The following SIKE1 variants were observed in gnomAD, a reference collection of about 807,000 sequenced individuals.
SIKE1 encodes suppressor of IKBKE 1, also known as suppressor of IKK epsilon.
In SIKE1, 13 loss-of-function variants were observed where a neutral mutation model predicts 25.8. The ratio of observed to expected loss-of-function variants is 0.50; its 90% CI spans 0.33 to 0.80. SIKE1 has a LOEUF of 0.80. Ranked by LOEUF, SIKE1 falls within the 30% of genes least tolerant of loss-of-function variation. The pLI is 0.02. For missense variants in SIKE1, 222 were observed against 252.4 expected (o/e 0.88, Z 0.82); for synonymous variants, 86 against 95.5 (o/e 0.90, Z 0.58).
rs1379065414 is a variant in SIKE1, at chr1:114,773,870, ATAGATT to A, written c.*395_*400del. 1 of 154,426 alleles carries A rather than the reference ATAGATT, an allele frequency of 6.5e-6. No homozygotes were observed. The highest frequency in any genetic ancestry group is 2.4e-5 in the African/African-American group (1 of 41,516). 9.6% of individuals were successfully genotyped at this position (154,426 alleles called of 1,614,324 possible). ...AAAAAAAAATCAAGGTTTATGCCAA[ATAGATT>A]TAAACAGTTAAATCTTTCCTAAAAT... On this transcript the variant is annotated 3_prime_UTR_variant, in exon 5 of 5. Coordinates refer to ENST00000060969, the MANE Select transcript of SIKE1 (RefSeq NM_025073.3).
At position 114,771,154 on chromosome 1, in the gene SIKE1, T is replaced by C. The variant is rs1662059316; in HGVS notation, c.*3117A>G. 1 of 152,212 alleles carries C rather than the reference T, an allele frequency of 6.6e-6. No homozygotes were observed. Among genetic ancestry groups the C allele is most frequent in the Admixed American group, 6.5e-5 (1 of 15,278 alleles). 9.4% of individuals were successfully genotyped at this position (152,212 alleles called of 1,614,324 possible). On this transcript the variant is annotated 3_prime_UTR_variant, in exon 5 of 5. Coordinates refer to ENST00000060969, the MANE Select transcript of SIKE1 (RefSeq NM_025073.3). ...AAGCCAATATGGTAAGGAGGCAGAT[T>C]TGAAAGACAGAACTGCACCTTTTCC... is the stretch of plus-strand genomic sequence containing the variant.
intron 4 of SIKE1, among the ~76,000 whole-genome samples, chr1:114,775,815 C>T (rs564940490): frequency 6.6e-6 from 1 of 152,056 alleles, no homozygotes; most frequent in Non-Finnish European, 1.5e-5. Context: ...ACTAATACCC[C>T]GAACTTTTTT....
chr1:114,776,484 G>C, intron 3 of SIKE1, 25 bp from the exon 4 acceptor site: 1 of 1,492,652 alleles, frequency 6.7e-7, no homozygotes, highest in East Asian at 2.4e-5. Context: ...AGGAAACAAA[G>C]GTGGAAAAAT....
intron 2 of SIKE1, 68 bp downstream of exon 2, chr1:114,780,042 T>C (rs1662357364): frequency 9.2e-7 from 1 of 1,087,828 alleles, no homozygotes; most frequent in African/African-American, 1.6e-5. Context: ...ATGTACACTT[T>C]TGTAAATGTT....
At chr1:114,777,001 A>C (rs1304362824) in intron 3 of SIKE1, among the ~76,000 whole-genome samples, 1 of 152,150 alleles carries the variant, frequency 6.6e-6, no homozygotes, top group African/African-American at 2.4e-5. Context: ...TATCACAAAG[A>C]CAGAAAACCA....
At position 114,772,774 on chromosome 1, in the gene SIKE1, G is replaced by C. The variant is rs954913461; in HGVS notation, c.*1497C>G. On this transcript the variant is annotated 3_prime_UTR_variant, in exon 5 of 5. Transcript: ENST00000060969. ...AAATAAAAAATGCTCACACTTGGAA[G>C]TGTTTTTTTTGTCAAATTCTATGCA... The C allele has an allele frequency of 6.6e-6, 1 of 152,060 alleles. No homozygotes were observed. The highest frequency in any genetic ancestry group is 2.4e-5 in the African/African-American group (1 of 41,396). The allele number at this position is 152,060 out of a possible 1,614,324, so 9.4% of individuals were successfully genotyped here. A position where few individuals can be genotyped will look rare whatever the true frequency, so the allele number is the denominator to read the frequency against.
Position 114,780,187 on chromosome 1 carries a change from T to C in SIKE1, c.188A>G (p.Asp63Gly). Residue 63 changes from aspartate to glycine, a missense_variant, in exon 2 of 5, where the codon GAC becomes GGC. By Grantham distance (94) the Asp-to-Gly change is moderately conservative (BLOSUM62 -1). Coordinates refer to ENST00000060969, the MANE Select transcript of SIKE1 (RefSeq NM_025073.3). ...QYQEDASDMK[D>G]MSKYKPHILL... ...AATGTGAGGTTTGTATTTGGACATG[T>C]CCTTCATATCGGATGCATCCTCTTG... 2 of 1,613,818 alleles carry C rather than the reference T, an allele frequency of 1.2e-6. No individual in the cohort carries two copies. Among genetic ancestry groups the C allele is most frequent in the African/African-American group, 1.3e-5 (1 of 74,998 alleles).
Position 114,779,187 on chromosome 1 carries a change from C to T in SIKE1, c.363G>A (p.Ala121=), listed in dbSNP as rs188275547. The change falls in exon 3 of 5, where the codon GCG becomes GCA. Residue 121 remains alanine, a synonymous_variant. Transcript: ENST00000060969. ...QMLQLMVAKK[A]VDAEPVLKAH... ...CTTTCAGGACTGGTTCAGCATCCAC[C>T]GCTTTTTTAGCAACCATTAACTGTA... The T allele has an allele frequency of 2.8e-5, 45 of 1,614,178 alleles. 1 individual carries two copies. The East Asian group carries it at 8.2e-4, about 30-fold the overall frequency.
At position 114,773,748 on chromosome 1, in the gene SIKE1, C is replaced by T. The variant is rs1662133912; in HGVS notation, c.*523G>A. The stretch of plus-strand genomic sequence containing the variant: ...CAGGCTATAAAGTGCCAATTCTTAG[C>T]ACCAGAGAGACTTAAAATGTCACAG... On this transcript the variant is annotated 3_prime_UTR_variant, in exon 5 of 5. Transcript: ENST00000060969. The T allele has an allele frequency of 6.6e-6, 1 of 152,526 alleles. No homozygotes were observed. The highest frequency in any genetic ancestry group is 2.4e-5 in the African/African-American group (1 of 41,402). The allele number at this position is 152,526 out of a possible 1,614,324, so 9.4% of individuals were successfully genotyped here.
chr1:114,778,004 T>C (rs1273305003), intron 3 of SIKE1, among the ~76,000 whole-genome samples: 1 of 152,244 alleles, frequency 6.6e-6, no homozygotes, highest in African/African-American at 2.4e-5. Context: ...ACTCTGTCTC[T>C]TTCAAGGTTC....
intron 4 of SIKE1, among the ~76,000 whole-genome samples, chr1:114,775,551 G>T (rs981561973): frequency 1.4e-5 from 2 of 147,294 alleles, no homozygotes; most frequent in Non-Finnish European, 3.0e-5. Context: ...TCACTCGGTT[G>T]GAGTGCAGTG....
At chr1:114,775,786 T>C (rs765261908) in intron 4 of SIKE1, among the ~76,000 whole-genome samples, 1 of 152,176 alleles carries the variant, frequency 6.6e-6, no homozygotes, top group African/African-American at 2.4e-5. Flanking sequence ...ATGTTTTTCC[T>C]TAACAATTTT....
chr1:114,779,461 C>T (rs559374869), intron 2 of SIKE1, among the ~76,000 whole-genome samples, 177 bp from the exon 3 acceptor site: 1 of 152,300 alleles, frequency 6.6e-6, no homozygotes, highest in South Asian at 2.1e-4. Flanking sequence ...ACTTTCTAGG[C>T]AGAGAAGCAA....
rs1004839364 is a variant in SIKE1, at chr1:114,774,142, T to C, written c.*129A>G. 12 of 614,866 alleles carry C rather than the reference T, an allele frequency of 2.0e-5. No homozygotes were observed. Among genetic ancestry groups the C allele is most frequent in the Non-Finnish European group, 3.0e-5 (11 of 361,742 alleles). The allele number at this position is 614,866 out of a possible 1,614,324, so 38.1% of individuals were successfully genotyped here. On this transcript the variant is annotated 3_prime_UTR_variant, in exon 5 of 5. Transcript: ENST00000060969. The stretch of plus-strand genomic sequence containing the variant: ...AGCCAATATTGACTGGAATTCTAAA[T>C]TGCCACCTGATACCTTTAATTAAGA...
intron 2 of SIKE1, 128 bp from the exon 3 acceptor site, chr1:114,779,412 G>A (rs1662340883): frequency 1.0e-6 from 1 of 995,864 alleles, no homozygotes; most frequent in Non-Finnish European, 1.4e-6. Flanking sequence ...CAATGTTTAA[G>A]TCCGCAAAAC....
In SIKE1 at chr1:114,772,017, T is replaced by C. The variant is rs992808177; in HGVS notation, c.*2254A>G. 1 of 152,172 alleles carries C rather than the reference T, an allele frequency of 6.6e-6. No homozygotes were observed. Among genetic ancestry groups the C allele is most frequent in the African/African-American group, 2.4e-5 (1 of 41,436 alleles). The allele number at this position is 152,172 out of a possible 1,614,324, so 9.4% of individuals were successfully genotyped here. Reference sequence around the variant, plus strand: ...GACCTTCAATGTTTGAATCCAATTATGCATAAGGTATTAATATAAGAATTA... The same window carrying C: ...GACCTTCAATGTTTGAATCCAATTACGCATAAGGTATTAATATAAGAATTA... On this transcript the variant is annotated 3_prime_UTR_variant, in exon 5 of 5. Transcript: ENST00000060969.
intron 4 of SIKE1, among the ~76,000 whole-genome samples, chr1:114,775,886 C>G (rs1164890698): frequency 6.6e-6 from 1 of 152,132 alleles, no homozygotes; most frequent in Non-Finnish European, 1.5e-5. Context: ...GAAATCAAGA[C>G]TACAAGGCTT....
rs575632403 is a variant in SIKE1 at position 114,771,794 on chromosome 1, G to T, written c.*2477C>A. ...CATTTTTAAATTCATAAGTACTAAT[G>T]AAGTGGTTGGCACATAGACTATTTT... is the stretch of plus-strand genomic sequence containing the variant. On this transcript the variant is annotated 3_prime_UTR_variant, in exon 5 of 5. Transcript: ENST00000060969. The T allele has an allele frequency of 1.3e-5, 2 of 152,206 alleles. No homozygotes were observed. Among genetic ancestry groups the T allele is most frequent in the South Asian group, 4.1e-4 (2 of 4,828 alleles). The allele number at this position is 152,206 out of a possible 1,614,324, so 9.4% of individuals were successfully genotyped here.
At chr1:114,777,962 A>G (rs949980550) in intron 3 of SIKE1, among the ~76,000 whole-genome samples, 2 of 152,222 alleles carry the variant, frequency 1.3e-5, no homozygotes, top group Non-Finnish European at 2.9e-5. Context: ...ATCTTTGGAC[A>G]TATCACTTAG....
Sources: gnomAD v4.1 joint callset for allele counts (sites outside exome capture counted in the v4.1 genomes callset) on GRCh38, gnomAD v4.1.1 for gene constraint, MANE v1.5 for transcripts, NCBI Gene and HGNC (gene_info 2026-07-23, HGNC 2026-07-21) for gene names.